Variants in HMMR observed in about 807,000 individuals in gnomAD.
HMMR encodes the protein intracellular hyaluronic acid-binding protein.
In HMMR, 108 loss-of-function variants were observed where a neutral mutation model predicts 101.0. The observed-to-expected ratio is 1.07, with a 90% CI of 0.92 to 1.25. The LOEUF is 1.25. HMMR is among the 50% of genes most tolerant of loss of function. The probability of loss-of-function intolerance (pLI) is 0.00; values close to 1 mark genes in which losing one functional copy is unlikely to be tolerated. For missense variants in HMMR, 813 were observed against 788.7 expected, an observed-to-expected ratio of 1.03 and a Z score of -0.37; for synonymous variants, 296 against 276.4, an observed-to-expected ratio of 1.07 and a Z score of -0.70.
At chr5:163,463,167 C>T (rs1326980890) in intron 1 of HMMR, among the ~76,000 whole-genome samples, 1 of 152,052 alleles carries the variant, frequency 6.6e-6, no homozygotes, top group Non-Finnish European at 1.5e-5. Context: ...CAAATATAGT[C>T]TAGTACAATT....
intron 3 of HMMR, among the ~76,000 whole-genome samples, chr5:163,466,254 G>A (rs2113460129): frequency 6.6e-6 from 1 of 152,328 alleles, no homozygotes; most frequent in East Asian, 1.9e-4. Flanking sequence ...GGGCAGCAGA[G>A]CGAGACCTAT....
chr5:163,462,149 G>A (rs1758561738), intron 1 of HMMR, among the ~76,000 whole-genome samples: 1 of 152,122 alleles, frequency 6.6e-6, no homozygotes, highest in Non-Finnish European at 1.5e-5. Context: ...CTACTCTTAA[G>A]TTTTGTCAGC....
chr5:163,484,824 G>A (rs894646211), intron 16 of HMMR, among the ~76,000 whole-genome samples: 2 of 151,952 alleles, frequency 1.3e-5, no homozygotes, highest in Non-Finnish European at 2.9e-5. Context: ...TGTCTCTGTT[G>A]ATTTCCCTAT....
chr5:163,480,837 T>C (rs1042765377), intron 12 of HMMR, among the ~76,000 whole-genome samples: 5 of 152,184 alleles, frequency 3.3e-5, no homozygotes, highest in Non-Finnish European at 7.4e-5. Flanking sequence ...GAGGTTTTCT[T>C]TATCAGCCAT....
Position 163,491,173 on chromosome 5 carries a change from G to A in HMMR, c.*9G>A, listed in dbSNP as rs6890805. 6.1e-3 allele frequency: 8,989 copies of A among 1,479,642 alleles called. 439 individuals are homozygous for A. The African/African-American group carries it at 0.11, about 18-fold the overall frequency. The allele number at this position is 1,479,642 out of a possible 1,614,324, so 91.7% of individuals were successfully genotyped here. ...AAGAATCATGGAAGTAAACATCTGAGAAACCTGTTGAAGATTATTTCATTC... is the reference window on the plus strand; with the variant it reads ...AAGAATCATGGAAGTAAACATCTGAAAAACCTGTTGAAGATTATTTCATTC... On this transcript the variant is annotated 3_prime_UTR_variant, in exon 18 of 18. Transcript: ENST00000393915.
intron 17 of HMMR, among the ~76,000 whole-genome samples, chr5:163,490,777 TC>T (rs1339403633): frequency 6.6e-6 from 1 of 152,212 alleles, no homozygotes; most frequent in Non-Finnish European, 1.5e-5. Context: ...TCTCAAATCT[TC>T]CTTGAAGCTT....
chr5:163,484,673 G>A (rs989168681), intron 16 of HMMR, among the ~76,000 whole-genome samples: 1 of 152,116 alleles, frequency 6.6e-6, no homozygotes, highest in African/African-American at 2.4e-5. Flanking sequence ...TATACTCACA[G>A]ATTTGTGCAA....
rs73326063 is a variant in HMMR at position 163,489,963 on chromosome 5, C to G, written c.1963-427C>G. ...AAACACTGCAGACTCTCTTTTTCAC[C>G]AAATTTTTGCAGATTTTCTTGAATA... On this transcript the variant is annotated intron_variant, in intron 16 of 17. Coordinates refer to ENST00000393915, the MANE Select transcript of HMMR (RefSeq NM_001142556.2). 5.0e-3 allele frequency among the ~76,000 whole-genome samples: 756 copies of G among 152,244 alleles called. 10 individuals are homozygous for G. The highest frequency in any genetic ancestry group is 0.016 in the African/African-American group (684 of 41,526).
chr5:163,473,106 G>T, intron 7 of HMMR, 73 bp from the exon 8 acceptor site: 1 of 756,642 alleles, frequency 1.3e-6, no homozygotes, highest in South Asian at 1.5e-5. Context: ...AGGAGTATCT[G>T]GTACATAAGC....
chr5:163,460,865 A>G, intron 1 of HMMR, 127 bp downstream of exon 1: 1 of 780,828 alleles, frequency 1.3e-6, no homozygotes, highest in Non-Finnish European at 2.2e-6. Context: ...CAGTTGATTG[A>G]TTTTTCTCAA....
chr5:163,468,421 T>C (rs1017712612), intron 4 of HMMR, among the ~76,000 whole-genome samples: 3 of 152,228 alleles, frequency 2.0e-5, no homozygotes, highest in Non-Finnish European at 4.4e-5. Flanking sequence ...TTTACTTTCC[T>C]AGCAATGCTA....
In HMMR at chr5:163,483,296, G is replaced by T. The variant is rs1561645708; in HGVS notation, c.1714G>T (p.Glu572Ter). Residue 572 changes from glutamate (E) to a stop codon, truncating the protein, a stop_gained, in exon 15 of 18, where the codon GAA (glutamate) becomes TAA (stop). Coordinates refer to ENST00000393915, the MANE Select transcript of HMMR (RefSeq NM_001142556.2). LOFTEE classifies it high-confidence loss of function. ...AGCTGAAAAAGAAAATACAACAGCA[G>T]AATTAACTGAAGAAATTAACAAGTG... ...RKAEKENTTA[E>*]LTEEINKWRL... The T allele has an allele frequency of 1.2e-6, 2 of 1,609,680 alleles. No individual in the cohort carries two copies. The highest frequency in any genetic ancestry group is 1.3e-5 in the African/African-American group (1 of 74,956).
rs6885769 is a variant in HMMR, at chr5:163,489,876, C to T, written c.1963-514C>T. Among the ~76,000 whole-genome samples the T allele has an allele frequency of 3.1e-3, 471 of 152,274 alleles. 5 individuals are homozygous for T. The highest frequency in any genetic ancestry group is 0.011 in the African/African-American group (448 of 41,534). ...AGGGCCCTGTGCTTTTGGCTGTAGC[C>T]GTCTGGCGTGGACTTTGCCTTGCTA... On this transcript the variant is annotated intron_variant, in intron 16 of 17. Transcript: ENST00000393915.
intron 12 of HMMR, 51 bp downstream of exon 12, chr5:163,478,851 G>A: frequency 1.0e-6 from 1 of 977,572 alleles, no homozygotes; most frequent in Non-Finnish European, 1.7e-6. Flanking sequence ...GCAGAAAGGG[G>A]TGTTTACCCC....
rs1311498098 is a variant in HMMR at position 163,490,500 on chromosome 5, T to C, written c.2073T>C (p.Ala691=). 15 of 1,604,198 alleles carry C rather than the reference T, an allele frequency of 9.4e-6. No individual in the cohort carries two copies. Among genetic ancestry groups the C allele is most frequent in the Non-Finnish European group, 1.3e-5 (15 of 1,177,150 alleles). The change falls in exon 17 of 18, where the codon GCT becomes GCC. Residue 691 remains alanine, a synonymous_variant. Transcript: ENST00000393915. ...LGIKHFDPSK[A]FHHESKENFA... The stretch of plus-strand genomic sequence containing the variant: ...TCAAACACTTTGATCCTTCAAAGGC[T>C]TTTCATCATGAAAGTAAAGAAAATT...
At chr5:163,484,724 A>G (rs1318150617) in intron 16 of HMMR, among the ~76,000 whole-genome samples, 1 of 152,144 alleles carries the variant, frequency 6.6e-6, no homozygotes, top group Non-Finnish European at 1.5e-5. Context: ...CATCACCTCA[A>G]AATGAAACCT....
chr5:163,475,562 T>C lies in HMMR; in HGVS notation c.1158T>C (p.Leu386=). 3 of 1,612,016 alleles carry C rather than the reference T, an allele frequency of 1.9e-6. No individual in the cohort carries two copies. The highest frequency in any genetic ancestry group is 2.5e-6 in the Non-Finnish European group (3 of 1,178,354). ...AATTAAAGCAAACACTGGATGAGCTTGATAAATTACAGCAAAAGGAGGAAC... is the reference window on the plus strand; with the variant it reads ...AATTAAAGCAAACACTGGATGAGCTCGATAAATTACAGCAAAAGGAGGAAC... ...EEELKQTLDE[L]DKLQQKEEQA... is the part of the protein sequence containing the mutation. The change falls in exon 11 of 18, where the codon CTT becomes CTC. Residue 386 remains leucine (L), a synonymous_variant. Transcript: ENST00000393915.
Position 163,483,079 on chromosome 5 carries a change from C to G in HMMR, c.1592C>G (p.Thr531Arg). Reference sequence around the variant, plus strand: ...AAGGAAACAGAAATTAAAGAAATCACAGTTTCTTTTCTTCAAAAAATAACT... The same window carrying G: ...AAGGAAACAGAAATTAAAGAAATCAGAGTTTCTTTTCTTCAAAAAATAACT... ...ALKETEIKEI[T>R]VSFLQKITDL... Residue 531 changes from threonine to arginine, a missense_variant, in exon 14 of 18, where the codon ACA (threonine) becomes AGA (arginine). Thr to Arg is a moderately conservative substitution (Grantham distance 71). Coordinates refer to ENST00000393915, the MANE Select transcript of HMMR (RefSeq NM_001142556.2). 6.2e-7 allele frequency: 1 copy of G among 1,611,054 alleles called. No homozygotes were observed. The highest frequency in any genetic ancestry group is 1.1e-5 in the South Asian group (1 of 90,886).
chr5:163,464,464 A>G (rs552276413), intron 2 of HMMR, among the ~76,000 whole-genome samples: 2 of 152,190 alleles, frequency 1.3e-5, no homozygotes, highest in South Asian at 4.2e-4. Flanking sequence ...AAAAATACAG[A>G]AATTAGCCAG....
Sources: gnomAD v4.1 joint callset for allele counts (sites outside exome capture counted in the v4.1 genomes callset) on GRCh38, gnomAD v4.1.1 for gene constraint, MANE v1.5 for transcripts, NCBI Gene and HGNC (gene_info 2026-07-23, HGNC 2026-07-21) for gene names.